Variants in SUGCT observed in about 807,000 individuals in gnomAD.
The protein encoded by SUGCT is succinyl-CoA:glutarate CoA-transferase.
A neutral mutation model predicts 55.0 loss-of-function variants in SUGCT; 41 were observed. The ratio of observed to expected loss-of-function variants is 0.74; its 90% confidence interval spans 0.58 to 0.97. The LOEUF is 0.97. Among genes scored for constraint, SUGCT ranks in the 50% least tolerant of loss-of-function variants. The pLI, the probability that SUGCT is intolerant of heterozygous loss-of-function variation, is 0.00. For synonymous variants in SUGCT, 187 were observed against 200.4 expected, an observed-to-expected ratio of 0.93 and a Z score of 0.56; for missense variants, 568 against 547.8, an observed-to-expected ratio of 1.04 and a Z score of -0.37.
the SUGCT span, among the ~76,000 whole-genome samples, chr7:40,875,624 C>A: frequency 6.6e-6 from 1 of 152,198 alleles, no homozygotes; most frequent in Non-Finnish European, 1.5e-5. Flanking sequence ...AGGCAATAAC[C>A]AGTTGCAAGT....
At chr7:40,278,536 G>T (rs926677533) in intron 8 of SUGCT, among the ~76,000 whole-genome samples, 13 of 152,186 alleles carry the variant, frequency 8.5e-5, no homozygotes, top group Admixed American at 8.5e-4. Flanking sequence ...CTTACCTGAA[G>T]TGCAAGGCAA....
At chr7:40,502,831 A>G (rs1004711386) in intron 12 of SUGCT, among the ~76,000 whole-genome samples, 2 of 152,118 alleles carry the variant, frequency 1.3e-5, no homozygotes, top group African/African-American at 2.4e-5. Context: ...TTCATTTGTT[A>G]GCCTCCAACT....
At chr7:40,310,498 A>T (rs533940606) in intron 8 of SUGCT, among the ~76,000 whole-genome samples, 5 of 152,312 alleles carry the variant, frequency 3.3e-5, no homozygotes, top group Admixed American at 2.6e-4. Context: ...TGTGGGTTTT[A>T]GTTAATAATG....
At chr7:40,840,637 T>C (rs1428480150) in intron 13 of SUGCT, among the ~76,000 whole-genome samples, 1 of 151,996 alleles carries the variant, frequency 6.6e-6, no homozygotes, top group African/African-American at 2.4e-5. Flanking sequence ...TCTAAGTTTC[T>C]ACCTCAAGAA....
intron 6 of SUGCT, among the ~76,000 whole-genome samples, chr7:40,197,782 G>C (rs1386941237): frequency 6.6e-6 from 1 of 152,208 alleles, no homozygotes; most frequent in Non-Finnish European, 1.5e-5. Flanking sequence ...TAGGGTGTGG[G>C]TTTCGAGCAG....
intron 13 of SUGCT, among the ~76,000 whole-genome samples, chr7:40,785,547 CT>C (rs1313774783): frequency 3.3e-5 from 5 of 152,164 alleles, no homozygotes; most frequent in Non-Finnish European, 2.9e-5. Context: ...TCTATAAGCA[CT>C]TTTTTTCTTT....
the SUGCT span, among the ~76,000 whole-genome samples, chr7:40,877,905 C>A: frequency 6.6e-6 from 1 of 152,334 alleles, no homozygotes; most frequent in African/African-American, 2.4e-5. Context: ...AAGATCTAAA[C>A]AAAGCTCTAG....
chr7:40,516,967 T>C (rs1401563430), intron 12 of SUGCT, among the ~76,000 whole-genome samples: 1 of 152,214 alleles, frequency 6.6e-6, no homozygotes, highest in East Asian at 1.9e-4. Flanking sequence ...GAAGGTGATA[T>C]GTTTTTCCAT....
At position 40,245,556 on chromosome 7, in the gene SUGCT, C is replaced by G. The variant is rs529879715; in HGVS notation, c.576+7830C>G. On this transcript the variant is annotated intron_variant, in intron 7 of 13. Coordinates refer to ENST00000335693, the MANE Select transcript of SUGCT (RefSeq NM_001193313.2). Reference sequence around the variant, plus strand: ...CCGGGTTCATGCCATTCTCCTGTCTCAGCCTCCCGAGTAGCTGGGACTACA... The same window carrying G: ...CCGGGTTCATGCCATTCTCCTGTCTGAGCCTCCCGAGTAGCTGGGACTACA... Among the ~76,000 whole-genome samples, 38 of 145,958 alleles carry G rather than the reference C, an allele frequency of 2.6e-4. 1 individual carries two copies. In the East Asian group the frequency reaches 7.3e-3, roughly 28 times the overall value.
chr7:40,306,280 G>C (rs1417076610), intron 8 of SUGCT, among the ~76,000 whole-genome samples: 1 of 152,106 alleles, frequency 6.6e-6, no homozygotes, highest in Admixed American at 6.6e-5. Flanking sequence ...TACTGGGAAG[G>C]CCCTTTCCTT....
chr7:40,959,136 C>T, the SUGCT span, among the ~76,000 whole-genome samples: 1 of 152,224 alleles, frequency 6.6e-6, no homozygotes, highest in East Asian at 1.9e-4. Flanking sequence ...AGTCAGGAGG[C>T]ACAGGGGTCA....
chr7:40,660,494 T>A (rs1421319148), intron 12 of SUGCT, among the ~76,000 whole-genome samples: 1 of 152,160 alleles, frequency 6.6e-6, no homozygotes, highest in South Asian at 2.1e-4. Context: ...CCTGATCTCG[T>A]GATCTGCCCG....
At chr7:40,847,520 G>T (rs558634576) in intron 13 of SUGCT, among the ~76,000 whole-genome samples, 4 of 147,108 alleles carry the variant, frequency 2.7e-5, no homozygotes, top group African/African-American at 1.0e-4. Flanking sequence ...GGGTTCAAGC[G>T]ATTCTCCTGC....
intron 11 of SUGCT, among the ~76,000 whole-genome samples, chr7:40,488,173 A>G (rs981416288): frequency 3.3e-5 from 5 of 149,572 alleles, no homozygotes; most frequent in Admixed American, 6.6e-5. Context: ...TGGTTATTTG[A>G]ATTTTTTTCT....
chr7:40,571,004 C>T (rs1324948849), intron 12 of SUGCT, among the ~76,000 whole-genome samples: 6 of 151,824 alleles, frequency 4.0e-5, no homozygotes, highest in East Asian at 3.9e-4. Context: ...AGATTACAGG[C>T]ACCTGCCACA....
chr7:40,312,945 A>G (rs1289761039), intron 8 of SUGCT, among the ~76,000 whole-genome samples: 1 of 152,130 alleles, frequency 6.6e-6, no homozygotes, highest in Non-Finnish European at 1.5e-5. Flanking sequence ...GAAAGATTGT[A>G]TTATTGCAGC....
At chr7:40,477,317 A>T (rs185061554) in intron 11 of SUGCT, among the ~76,000 whole-genome samples, 1 of 152,252 alleles carries the variant, frequency 6.6e-6, no homozygotes, top group Admixed American at 6.5e-5. Context: ...GGAGTTAGGG[A>T]GGGTGGACAG....
At chr7:40,327,892 A>G (rs970885608) in intron 9 of SUGCT, among the ~76,000 whole-genome samples, 2 of 152,218 alleles carry the variant, frequency 1.3e-5, no homozygotes, top group Non-Finnish European at 2.9e-5. Flanking sequence ...TATTTACCAC[A>G]GCCCTTAAAA....
the SUGCT span, among the ~76,000 whole-genome samples, chr7:41,035,483 G>A: frequency 6.6e-6 from 1 of 152,008 alleles, no homozygotes; most frequent in African/African-American, 2.4e-5. Flanking sequence ...AGGGTTGCTG[G>A]GCCTCCCAAA....
Sources: allele counts gnomAD v4.1 joint callset (sites outside exome capture counted in the v4.1 genomes callset), GRCh38; gene constraint gnomAD v4.1.1; transcripts MANE v1.5; gene names NCBI Gene and HGNC (gene_info 2026-07-23, HGNC 2026-07-21).